STMP1: variants seen among roughly 807,000 people sequenced by gnomAD.
The protein encoded by STMP1 is mitolamban.
In STMP1, 7 loss-of-function variants were observed where a neutral mutation model predicts 7.0. The ratio of observed to expected loss-of-function variants is 1.01; its 90% CI spans 0.57 to 1.89. The LOEUF (loss-of-function observed/expected upper bound fraction) is 1.89. Among genes scored for constraint, STMP1 ranks in the 40% most tolerant of loss-of-function variants. The probability of loss-of-function intolerance (pLI) is 0.00; values close to 1 mark genes in which losing one functional copy is unlikely to be tolerated. For missense variants in STMP1, 45 were observed against 53.0 expected, an observed-to-expected ratio of 0.85 and a Z score of 0.47; for synonymous variants, 19 against 18.4, an observed-to-expected ratio of 1.03 and a Z score of -0.08.
At chr7:135,664,512 C>G (rs986981024) in intron 1 of STMP1, among the ~76,000 whole-genome samples, 1 of 151,832 alleles carries the variant, frequency 6.6e-6, no homozygotes, top group Non-Finnish European at 1.5e-5. Flanking sequence ...CACTACCACC[C>G]GTGACTAATT....
At chr7:135,671,799 A>C (rs3110821) in intron 1 of STMP1, among the ~76,000 whole-genome samples, 86,725 of 151,930 alleles carry the variant, frequency 0.57, 25,873 homozygotes, top group East Asian at 0.76. Context: ...TCTTTTCTGT[A>C]ATCACATATT....
At chr7:135,666,923 C>A (rs1019054016) in intron 1 of STMP1, among the ~76,000 whole-genome samples, 20 of 152,176 alleles carry the variant, frequency 1.3e-4, no homozygotes, top group Non-Finnish European at 2.6e-4. Flanking sequence ...TCTTTATGCT[C>A]AACTTTTTGA....
intron 1 of STMP1, among the ~76,000 whole-genome samples, chr7:135,669,097 A>G (rs1795331801): frequency 6.6e-6 from 1 of 152,212 alleles, no homozygotes; most frequent in Non-Finnish European, 1.5e-5. Context: ...TTATAAAACC[A>G]TCAGATCTCA....
chr7:135,666,876 T>G (rs936179774), intron 1 of STMP1, among the ~76,000 whole-genome samples: 2 of 152,206 alleles, frequency 1.3e-5, no homozygotes, highest in African/African-American at 4.8e-5. Context: ...TTCTGTTGAG[T>G]ATATACCCTA....
intron 1 of STMP1, among the ~76,000 whole-genome samples, chr7:135,663,856 G>A (rs74745497): frequency 0.051 from 7,692 of 152,028 alleles, 430 homozygotes; most frequent in African/African-American, 0.14. Flanking sequence ...CCGTTGGCCG[G>A]GATGGTCTCG....
rs1422778097 is a variant in STMP1 at position 135,676,095 on chromosome 7, G to A, written c.*1930G>A. The A allele has an allele frequency of 1.3e-5, 2 of 152,076 alleles. No individual in the cohort carries two copies. The highest frequency in any genetic ancestry group is 2.9e-5 in the Non-Finnish European group (2 of 68,024). The allele number at this position is 152,076 out of a possible 1,614,324, so 9.4% of individuals were successfully genotyped here. A position where few individuals can be genotyped will look rare whatever the true frequency, so the allele number is the denominator to read the frequency against. On this transcript the variant is annotated 3_prime_UTR_variant, in exon 3 of 3. Coordinates refer to ENST00000507606, the MANE Select transcript of STMP1 (RefSeq NM_001130929.2). ...CACCTGGCTAATTTTTGTATTTTTA[G>A]TAACGACGAGGTTTCACCATGTTGG...
In STMP1 at chr7:135,662,559, C is replaced by T; in HGVS notation, c.-21C>T. On this transcript the variant is annotated 5_prime_UTR_variant, in exon 1 of 3. Coordinates refer to ENST00000507606, the MANE Select transcript of STMP1 (RefSeq NM_001130929.2). ...AGCTGCTGCAGTCCTTCGCGCCCTC[C>T]TCGCCCTCCCCACCGACATCATGCT... The T allele has an allele frequency of 2.6e-6, 4 of 1,547,900 alleles. No individual in the cohort carries two copies. Among genetic ancestry groups the T allele is most frequent in the East Asian group, 2.5e-5 (1 of 40,276 alleles).
intron 1 of STMP1, among the ~76,000 whole-genome samples, chr7:135,664,726 C>T (rs544201425): frequency 6.6e-6 from 1 of 152,232 alleles, no homozygotes; most frequent in South Asian, 2.1e-4. Context: ...CTCTGGTCTT[C>T]CACCTCATTG....
chr7:135,662,567 C>A lies in STMP1; in HGVS notation c.-13C>A. 3 of 1,548,266 alleles carry A rather than the reference C, an allele frequency of 1.9e-6. No individual in the cohort carries two copies. Among genetic ancestry groups the A allele is most frequent in the Non-Finnish European group, 2.6e-6 (3 of 1,145,714 alleles). On this transcript the variant is annotated 5_prime_UTR_variant, in exon 1 of 3. Transcript: ENST00000507606. ...CAGTCCTTCGCGCCCTCCTCGCCCT[C>A]CCCACCGACATCATGCTCCAGTTCC...
Position 135,665,097 on chromosome 7 carries a change from T to G in STMP1, c.15+2503T>G, listed in dbSNP as rs571515395. Among the ~76,000 whole-genome samples the G allele has an allele frequency of 3.2e-4, 48 of 152,314 alleles. No individual in the cohort carries two copies. The South Asian group carries it at 8.9e-3, about 28-fold the overall frequency. ...CAGGAGCACTCAACAAGGATTCAGA[T>G]AGTGTTCAGTTTTTCTTTTGCAGGG... On this transcript the variant is annotated intron_variant, in intron 1 of 2. Transcript: ENST00000507606.
intron 1 of STMP1, 116 bp downstream of exon 1, chr7:135,662,710 C>T (rs1213176664): frequency 8.1e-7 from 1 of 1,240,442 alleles, no homozygotes; most frequent in Non-Finnish European, 1.1e-6. Context: ...CCAGCGGTCC[C>T]TTCGTCCCCC....
chr7:135,671,899 A>C (rs1198110370), intron 1 of STMP1, among the ~76,000 whole-genome samples: 1 of 152,186 alleles, frequency 6.6e-6, no homozygotes, highest in Non-Finnish European at 1.5e-5. Context: ...CTGGGCCTCA[A>C]GTTCCTCTTT....
intron 1 of STMP1, among the ~76,000 whole-genome samples, chr7:135,670,009 A>G (rs55989609): frequency 0.045 from 6,827 of 152,250 alleles, 219 homozygotes; most frequent in Middle Eastern, 0.1. Flanking sequence ...GCTCTGTGCC[A>G]GTCTAGACTT....
rs950446848 is a variant in STMP1, at chr7:135,674,841, T to C, written c.*676T>C. ...TAGTGTGCATGTTTTTCCTTAATGA[T>C]GTATTTGATCTGACTTTTTTCCTTC... On this transcript the variant is annotated 3_prime_UTR_variant, in exon 3 of 3. Transcript: ENST00000507606. 6.6e-6 allele frequency: 1 copy of C among 152,206 alleles called. No individual in the cohort carries two copies. Among genetic ancestry groups the C allele is most frequent in the African/African-American group, 2.4e-5 (1 of 41,462 alleles). 9.4% of individuals were successfully genotyped at this position (152,206 alleles called of 1,614,324 possible). A position where few individuals can be genotyped will look rare whatever the true frequency, so the allele number is the denominator to read the frequency against.
At chr7:135,662,665 A>T in intron 1 of STMP1, 71 bp downstream of exon 1, 2 of 1,505,138 alleles carry the variant, frequency 1.3e-6, no homozygotes, top group Non-Finnish European at 1.8e-6. Context: ...CCCCTTGAGG[A>T]TTGCCGACCC....
chr7:135,663,575 C>A (rs1180869871), intron 1 of STMP1, among the ~76,000 whole-genome samples: 2 of 152,180 alleles, frequency 1.3e-5, no homozygotes, highest in Non-Finnish European at 2.9e-5. Flanking sequence ...AACTCCTGAC[C>A]TCAAGTGATC....
At chr7:135,667,630 G>A (rs527527466) in intron 1 of STMP1, among the ~76,000 whole-genome samples, 5 of 152,150 alleles carry the variant, frequency 3.3e-5, no homozygotes, top group African/African-American at 9.6e-5. Flanking sequence ...CTCATTCTGT[G>A]TGTTGTCTTT....
At chr7:135,672,844 A>G (rs1795371237) in intron 2 of STMP1, 38 bp downstream of exon 2, 1 of 1,513,394 alleles carries the variant, frequency 6.6e-7, no homozygotes, top group Admixed American at 2.0e-5. Context: ...GATTCCATGT[A>G]ACTGTTTTAG....
chr7:135,663,032 G>A (rs1234679744), intron 1 of STMP1, among the ~76,000 whole-genome samples: 1 of 152,196 alleles, frequency 6.6e-6, no homozygotes, highest in Non-Finnish European at 1.5e-5. Context: ...AGGTAGGAAG[G>A]CCAGGAATAA....
Sources: allele counts gnomAD v4.1 joint callset (sites outside exome capture counted in the v4.1 genomes callset), GRCh38; gene constraint gnomAD v4.1.1; transcripts MANE v1.5; gene names NCBI Gene and HGNC (gene_info 2026-07-23, HGNC 2026-07-21).